Variants in IDH2 observed in about 807,000 individuals in gnomAD.
The protein encoded by IDH2 is isocitrate dehydrogenase [NADP], mitochondrial.
In IDH2, 18 loss-of-function variants were observed where a neutral mutation model predicts 50.5. The observed-to-expected ratio is 0.36, with a 90% CI of 0.25 to 0.53. The LOEUF (loss-of-function observed/expected upper bound fraction) is 0.53. IDH2 is among the 20% of genes least tolerant of loss of function. IDH2 has a pLI of 0.92. For synonymous variants in IDH2, 280 were observed against 239.8 expected (o/e 1.17, Z -1.55); for missense variants, 518 against 610.7 (o/e 0.85, Z 1.60).
chr15:90,092,434 CCTG>C, intron 1 of IDH2, among the ~76,000 whole-genome samples: 1 of 148,704 alleles, frequency 6.7e-6, no homozygotes, highest in Non-Finnish European at 1.5e-5. Flanking sequence ...TTGGCAGGGT[CCTG>C]TTCCATTGGT....
rs2151558092 is a variant in IDH2 at position 90,102,380 on chromosome 15, T to G, written c.11A>C (p.Tyr4Ser). 7.4e-7 allele frequency: 1 copy of G among 1,357,504 alleles called. No individual in the cohort carries two copies. The highest frequency in any genetic ancestry group is 2.7e-5 in the Admixed American group (1 of 37,420). The allele number at this position is 1,357,504 out of a possible 1,614,324, so 84.1% of individuals were successfully genotyped here. A position where few individuals can be genotyped will look rare whatever the true frequency, so the allele number is the denominator to read the frequency against. MAG[Y>S]LRVVRSLCRA... ...GCAGAGCGAGCGCACGACCCGCAGG[T>G]AGCCGGCCATCCCAAGCTGGAGAGC... The change falls in exon 1 of 11, where the codon TAC (tyrosine) becomes TCC (serine). Residue 4 changes from tyrosine to serine, a missense_variant. Transcript: ENST00000330062.
Position 90,100,502 on chromosome 15 carries a change from G to C in IDH2, c.115+1774C>G, listed in dbSNP as rs1022734521. The C allele has an allele frequency of 5.5e-6, 2 of 366,126 alleles. No homozygotes were observed. Among genetic ancestry groups the C allele is most frequent in the African/African-American group, 4.4e-5 (2 of 45,352 alleles). 22.7% of individuals were successfully genotyped at this position (366,126 alleles called of 1,614,324 possible). ...AAGAAGTTTCTGGGTTAGGAGTGAA[G>C]GAAGGCTAGATAAGTAATTCTGCCA... On this transcript the variant is annotated intron_variant, in intron 1 of 10. Coordinates refer to ENST00000330062, the MANE Select transcript of IDH2 (RefSeq NM_002168.4). The surrounding 1 kb of genome is among the most constrained non-coding windows in gnomAD (Gnocchi z 4.1).
chr15:90,091,348 G>T (rs984573521), intron 2 of IDH2, among the ~76,000 whole-genome samples: 10 of 152,220 alleles, frequency 6.6e-5, no homozygotes, highest in Admixed American at 3.3e-4. Flanking sequence ...CGGACTGCTG[G>T]GGACAGGCCC....
Position 90,096,379 on chromosome 15 carries a change from C to T in IDH2, c.116-4735G>A, listed in dbSNP as rs192531772. 2.5e-3 allele frequency among the ~76,000 whole-genome samples: 376 copies of T among 152,148 alleles called. 1 individual carries two copies. The highest frequency in any genetic ancestry group is 8.6e-3 in the African/African-American group (357 of 41,496). ...AGATGATATACAAATGGCCAACAAG[C>T]ACATGAAAAGATGCTCAACATCACT... On this transcript the variant is annotated intron_variant, in intron 1 of 10. Transcript: ENST00000330062.
At chr15:90,088,051 C>G (rs975427053) in intron 5 of IDH2, among the ~76,000 whole-genome samples, 32 of 152,068 alleles carry the variant, frequency 2.1e-4, no homozygotes, top group Non-Finnish European at 4.0e-4. Flanking sequence ...GGTAGCCAAG[C>G]AGGCAGGAGT....
chr15:90,085,573 G>A lies in IDH2; in HGVS notation c.968-186C>T, dbSNP rs1900839517. Among the ~76,000 whole-genome samples the A allele has an allele frequency of 6.6e-6, 1 of 152,146 alleles. No homozygotes were observed. The highest frequency in any genetic ancestry group is 1.5e-5 in the Non-Finnish European group (1 of 68,002). On this transcript the variant is annotated intron_variant, in intron 7 of 10. Coordinates refer to ENST00000330062, the MANE Select transcript of IDH2 (RefSeq NM_002168.4). This position sits in a 1 kb window ranked among gnomAD's most constrained non-coding sequence, Gnocchi z 5.5. ...CTTCACCCTCCTGTGGGTCTCCAGGGCCCAGCACAGGGCTGGAGGGCACTG... is the reference window on the plus strand; with the variant it reads ...CTTCACCCTCCTGTGGGTCTCCAGGACCCAGCACAGGGCTGGAGGGCACTG...
chr15:90,091,735 C>T (rs1901044282), intron 1 of IDH2, 91 bp from the exon 2 acceptor site: 4 of 1,063,616 alleles, frequency 3.8e-6, no homozygotes, highest in East Asian at 2.4e-5. Flanking sequence ...CACCAGGAGA[C>T]AGTGGCAGAA....
intron 1 of IDH2, among the ~76,000 whole-genome samples, chr15:90,099,021 C>G (rs962313135): frequency 4.6e-5 from 7 of 152,124 alleles, no homozygotes; most frequent in Non-Finnish European, 7.4e-5. Context: ...TTCCCCACTA[C>G]TGGCTCCTCC....
At chr15:90,095,127 C>A (rs35477556) in intron 1 of IDH2, among the ~76,000 whole-genome samples, 30,012 of 151,588 alleles carry the variant, frequency 0.2, 3,895 homozygotes, top group East Asian at 0.58. Flanking sequence ...TAATGAGACT[C>A]AGAGAGTGTG....
At chr15:90,089,378 C>T (rs560549614) in intron 3 of IDH2, among the ~76,000 whole-genome samples, 2 of 152,308 alleles carry the variant, frequency 1.3e-5, no homozygotes, top group South Asian at 4.1e-4. Flanking sequence ...CTCTGTTGGC[C>T]ATTATGATTC....
At position 90,084,075 on chromosome 15, in the gene IDH2, A is replaced by G; in HGVS notation, c.*191T>C. The stretch of plus-strand genomic sequence containing the variant: ...AAACATACTGACTGGCTGAGGTAAA[A>G]CGCACTGCTCCTGCCTCACGTCACC... On this transcript the variant is annotated 3_prime_UTR_variant, in exon 11 of 11. Transcript: ENST00000330062. The surrounding 1 kb of genome is among the most constrained non-coding windows in gnomAD (Gnocchi z 5.0). The G allele has an allele frequency of 3.3e-6, 2 of 607,320 alleles. No homozygotes were observed. The highest frequency in any genetic ancestry group is 2.8e-5 in the Admixed American group (1 of 36,282). 37.6% of individuals were successfully genotyped at this position (607,320 alleles called of 1,614,324 possible).
At chr15:90,096,766 T>A (rs1387008378) in intron 1 of IDH2, among the ~76,000 whole-genome samples, 2 of 151,830 alleles carry the variant, frequency 1.3e-5, no homozygotes, top group Non-Finnish European at 2.9e-5. Flanking sequence ...TACAAAAAAT[T>A]AGCCAGGCGT....
rs781533725 is a variant in IDH2, at chr15:90,087,594, G to T, written c.679-19C>A. 1 of 1,612,472 alleles carries T rather than the reference G, an allele frequency of 6.2e-7. No homozygotes were observed. Among genetic ancestry groups the T allele is most frequent in the East Asian group, 2.2e-5 (1 of 44,876 alleles). ...AGATGGACTGCAGGGGGAGAGACAG[G>T]GCCCTGGCGTGGTGCCCTAGCCTGG... On this transcript the variant is annotated intron_variant, in intron 5 of 10. Coordinates refer to ENST00000330062, the MANE Select transcript of IDH2 (RefSeq NM_002168.4).
intron 2 of IDH2, 141 bp downstream of exon 2, chr15:90,091,412 A>C: frequency 1.4e-6 from 1 of 730,248 alleles, no homozygotes; most frequent in East Asian, 2.6e-5. Flanking sequence ...AAGGGTAGAC[A>C]GAGGGAGAGA....
intron 3 of IDH2, among the ~76,000 whole-genome samples, chr15:90,089,565 T>G (rs2151550702): frequency 6.6e-6 from 1 of 152,208 alleles, no homozygotes; most frequent in South Asian, 2.1e-4. Flanking sequence ...AAGGTTCAGG[T>G]GAAATGAAGA....
intron 3 of IDH2, among the ~76,000 whole-genome samples, chr15:90,089,340 T>C (rs538482458): frequency 6.6e-6 from 1 of 152,324 alleles, no homozygotes; most frequent in East Asian, 1.9e-4. Flanking sequence ...GTAAAGGGCC[T>C]AGAACGGTGC....
At chr15:90,087,090 G>A in intron 7 of IDH2, 22 bp downstream of exon 7, 1 of 1,613,516 alleles carries the variant, frequency 6.2e-7, no homozygotes, top group Non-Finnish European at 8.5e-7. Context: ...CCCCCACAGG[G>A]AGCAGCGTCC....
At position 90,083,903 on chromosome 15, in the gene IDH2, A is replaced by G; in HGVS notation, c.*363T>C. ...AGGTGCTCTGGTCTGCCCCAGGGGA[A>G]CCTGCCAGCTCTAGCAGGGCCTCTG... is the stretch of plus-strand genomic sequence containing the variant. On this transcript the variant is annotated 3_prime_UTR_variant, in exon 11 of 11. Coordinates refer to ENST00000330062, the MANE Select transcript of IDH2 (RefSeq NM_002168.4). 2.5e-6 allele frequency: 1 copy of G among 401,224 alleles called. No individual in the cohort carries two copies. Among genetic ancestry groups the G allele is most frequent in the Admixed American group, 3.9e-5 (1 of 25,802 alleles). The allele number at this position is 401,224 out of a possible 1,614,324, so 24.9% of individuals were successfully genotyped here.
intron 7 of IDH2, among the ~76,000 whole-genome samples, chr15:90,086,547 C>T (rs553876951): frequency 5.3e-4 from 81 of 152,216 alleles, no homozygotes; most frequent in African/African-American, 1.8e-3. Flanking sequence ...GTGTCCATGA[C>T]TGTGCCCGCC....
Sources: allele counts gnomAD v4.1 joint callset (sites outside exome capture counted in the v4.1 genomes callset), GRCh38; gene constraint gnomAD v4.1.1; non-coding constraint Gnocchi (gnomAD v3.1); transcripts MANE v1.5; gene names NCBI Gene and HGNC (gene_info 2026-07-23, HGNC 2026-07-21).